Variants in SVEP1 observed in about 807,000 individuals in gnomAD.
SVEP1 encodes sushi, von Willebrand factor type A, EGF and pentraxin domain-containing protein 1.
A neutral mutation model predicts 367.3 loss-of-function variants in SVEP1; 164 were observed. That is an observed-to-expected ratio of 0.45 (90% CI 0.39 to 0.51). The LOEUF (loss-of-function observed/expected upper bound fraction) is 0.51. Ranked by LOEUF, SVEP1 falls within the 20% of genes least tolerant of loss-of-function variation. The probability of loss-of-function intolerance (pLI) is 0.00; values close to 1 mark genes in which losing one functional copy is unlikely to be tolerated. For synonymous variants in SVEP1, 1,666 were observed against 1,611.6 expected (o/e 1.03, Z -0.81); for missense variants, 4,117 against 4,425.3 (o/e 0.93, Z 1.98).
intron 6 of SVEP1, 33 bp downstream of exon 6, chr9:110,503,005 T>C (rs771359308): frequency 6.3e-6 from 10 of 1,580,870 alleles, no homozygotes; most frequent in Non-Finnish European, 1.7e-6. Flanking sequence ...AGGAAATGAA[T>C]CACTCAAGGC....
intron 27 of SVEP1, chr9:110,442,715 A>C (rs1180007866): frequency 3.3e-5 from 5 of 152,024 alleles, no homozygotes; most frequent in Non-Finnish European, 5.9e-5. Flanking sequence ...CACCCTCCTC[A>C]GCCTTCCAAA....
chr9:110,542,375 G>C (rs536839628), intron 3 of SVEP1, among the ~76,000 whole-genome samples: 5 of 152,046 alleles, frequency 3.3e-5, no homozygotes, highest in Admixed American at 1.3e-4. Flanking sequence ...GGTTACTTCT[G>C]GATCTAAAAG....
intron 1 of SVEP1, among the ~76,000 whole-genome samples, chr9:110,568,864 C>T (rs574051629): frequency 8.2e-4 from 125 of 152,126 alleles, no homozygotes; most frequent in Non-Finnish European, 9.8e-4. Flanking sequence ...CTTTGGGAGG[C>T]CGAGGTGGGA....
intron 9 of SVEP1, among the ~76,000 whole-genome samples, chr9:110,485,489 AC>A (rs1245488960): frequency 6.6e-6 from 1 of 152,118 alleles, no homozygotes; most frequent in Non-Finnish European, 1.5e-5. Context: ...AGGGCTCAAT[AC>A]CTAGGTGATG....
chr9:110,538,222 A>C (rs1830103421), intron 3 of SVEP1, among the ~76,000 whole-genome samples: 1 of 152,032 alleles, frequency 6.6e-6, no homozygotes, highest in Non-Finnish European at 1.5e-5. Flanking sequence ...AACTAGCCTG[A>C]TTTAGGCAAC....
At chr9:110,417,377 C>G (rs923904473) in intron 36 of SVEP1, among the ~76,000 whole-genome samples, 5 of 94,460 alleles carry the variant, frequency 5.3e-5, no homozygotes, top group Admixed American at 1.1e-4. Flanking sequence ...AAAATCGGGT[C>G]ACTCCCACCC....
intron 34 of SVEP1, 108 bp from the exon 35 acceptor site, chr9:110,429,442 GT>G: frequency 1.2e-6 from 1 of 810,946 alleles, no homozygotes; most frequent in Non-Finnish European, 1.7e-6. Flanking sequence ...TATTGGAAAA[GT>G]TGATTTTTTT....
chr9:110,408,543 G>A lies in SVEP1; in HGVS notation c.7057C>T (p.His2353Tyr), dbSNP rs928610170. ...GVVTFSCKEGHVLQGPSVLKC... is the reference protein window; with the variant it reads ...GVVTFSCKEGYVLQGPSVLKC... Reference sequence around the variant, plus strand: ...AGGACAGAGGGGCCTTGCAGGACATGCCCTTCTTTACAGGAAAATGTCACA... The same window carrying A: ...AGGACAGAGGGGCCTTGCAGGACATACCCTTCTTTACAGGAAAATGTCACA... Residue 2353 changes from histidine to tyrosine, a missense_variant, in exon 38 of 48, where the codon CAT becomes TAT. Transcript: ENST00000374469. The A allele has an allele frequency of 6.2e-7, 1 of 1,613,922 alleles. No homozygotes were observed. Among genetic ancestry groups the A allele is most frequent in the African/African-American group, 1.3e-5 (1 of 75,020 alleles).
intron 5 of SVEP1, among the ~76,000 whole-genome samples, chr9:110,508,621 C>T (rs1327836830): frequency 6.6e-6 from 1 of 151,674 alleles, no homozygotes; most frequent in Non-Finnish European, 1.5e-5. Context: ...ATTAGCCGGG[C>T]ATGGTGGCGG....
chr9:110,427,154 C>T (rs1464175102), intron 36 of SVEP1, among the ~76,000 whole-genome samples: 2 of 151,458 alleles, frequency 1.3e-5, no homozygotes, highest in African/African-American at 4.9e-5. Flanking sequence ...AAAAAGTAGC[C>T]GGGTGTGGTG....
chr9:110,499,308 C>A, intron 6 of SVEP1, 70 bp from the exon 7 acceptor site: 2 of 1,421,166 alleles, frequency 1.4e-6, no homozygotes, highest in South Asian at 1.3e-5. Context: ...ATTCTTTTTA[C>A]TCAAGAAAAA....
At chr9:110,427,805 G>A in intron 35 of SVEP1, 47 bp from the exon 36 acceptor site, 10 of 1,556,378 alleles carry the variant, frequency 6.4e-6, no homozygotes, top group Non-Finnish European at 6.9e-6. Flanking sequence ...TGGATTTGCT[G>A]CTATGGAGAT....
chr9:110,394,281 C>T (rs978479949), intron 40 of SVEP1, among the ~76,000 whole-genome samples: 1 of 152,200 alleles, frequency 6.6e-6, no homozygotes, highest in Non-Finnish European at 1.5e-5. Flanking sequence ...CTCCGACCTG[C>T]AGCTGAGGGT....
At chr9:110,544,968 A>T (rs1392221487) in intron 3 of SVEP1, among the ~76,000 whole-genome samples, 1 of 152,048 alleles carries the variant, frequency 6.6e-6, no homozygotes, top group Non-Finnish European at 1.5e-5. Flanking sequence ...CTCCTTTCTA[A>T]TTCTACGAGA....
At chr9:110,554,460 A>C (rs1431834161) in intron 1 of SVEP1, among the ~76,000 whole-genome samples, 1 of 152,112 alleles carries the variant, frequency 6.6e-6, no homozygotes, top group Non-Finnish European at 1.5e-5. Flanking sequence ...ACTATTACCC[A>C]CTAAAAGGAA....
At chr9:110,554,750 G>GTGTA (rs1554723147) in intron 1 of SVEP1, among the ~76,000 whole-genome samples, 34 of 151,986 alleles carry the variant, frequency 2.2e-4, no homozygotes, top group African/African-American at 8.2e-4. Context: ...GTGTGTGTGT[G>GTGTA]TGTATGTATG....
chr9:110,382,733 T>G (rs781015986), intron 43 of SVEP1, among the ~76,000 whole-genome samples: 21 of 152,204 alleles, frequency 1.4e-4, no homozygotes, highest in Non-Finnish European at 2.5e-4. Flanking sequence ...TTTACATAAT[T>G]TCATAGTTCT....
intron 3 of SVEP1, among the ~76,000 whole-genome samples, chr9:110,531,168 T>C (rs1318951704): frequency 5.9e-5 from 9 of 152,334 alleles, no homozygotes; most frequent in African/African-American, 2.2e-4. Flanking sequence ...CCTTGCTTTA[T>C]TGACATTTAT....
intron 44 of SVEP1, 45 bp from the exon 45 acceptor site, chr9:110,377,411 G>A (rs774466820): frequency 3.2e-6 from 5 of 1,568,508 alleles, no homozygotes; most frequent in Non-Finnish European, 3.5e-6. Context: ...GAATTATGAA[G>A]GGAAGGAGTC....
Sources: allele counts gnomAD v4.1 joint callset (sites outside exome capture counted in the v4.1 genomes callset), GRCh38; gene constraint gnomAD v4.1.1; transcripts MANE v1.5; gene names NCBI Gene and HGNC (gene_info 2026-07-23, HGNC 2026-07-21).